Variants in PKN2 observed in about 807,000 individuals in gnomAD.
PKN2 encodes the protein protein kinase N2, also known as serine/threonine-protein kinase N2.
A neutral mutation model predicts 119.1 loss-of-function variants in PKN2; 38 were observed. That is an observed-to-expected ratio of 0.32 (90% CI 0.25 to 0.42). The LOEUF (loss-of-function observed/expected upper bound fraction) is 0.42, where lower values mean the gene tolerates loss of function less well. Ranked by LOEUF, PKN2 falls within the 10% of genes least tolerant of loss-of-function variation. PKN2 has a pLI of 1.00. For synonymous variants in PKN2, 390 were observed against 384.9 expected, an observed-to-expected ratio of 1.01 and a Z score of -0.15; for missense variants, 850 against 1,165.1, an observed-to-expected ratio of 0.73 and a Z score of 3.94.
intron 17 of PKN2, among the ~76,000 whole-genome samples, chr1:88,822,316 A>G (rs1019266857): frequency 1.5e-4 from 23 of 152,322 alleles, no homozygotes; most frequent in South Asian, 4.1e-4. Context: ...GAAAACCTCT[A>G]TAGACCAATA....
chr1:88,758,478 G>C (rs978884170), intron 2 of PKN2, among the ~76,000 whole-genome samples: 1 of 151,954 alleles, frequency 6.6e-6, no homozygotes, highest in African/African-American at 2.4e-5. Context: ...TTGTCACCCA[G>C]GTATTAAGCC....
intron 1 of PKN2, among the ~76,000 whole-genome samples, chr1:88,710,438 T>C (rs1667182060): frequency 6.6e-6 from 1 of 152,240 alleles, no homozygotes; most frequent in Admixed American, 6.5e-5. Context: ...AAAGCTATCA[T>C]AATAATTATT....
chr1:88,709,544 C>G (rs923697028), intron 1 of PKN2, among the ~76,000 whole-genome samples: 1 of 151,872 alleles, frequency 6.6e-6, no homozygotes. Context: ...ACCATTAAAC[C>G]AAAAGTTGTT....
chr1:88,807,292 C>G, intron 12 of PKN2, 21 bp from the exon 13 acceptor site: 1 of 1,441,800 alleles, frequency 6.9e-7, no homozygotes. Flanking sequence ...TATGGATTCA[C>G]GTGTATTTAA....
At chr1:88,694,732 G>C (rs905357150) in intron 1 of PKN2, among the ~76,000 whole-genome samples, 3 of 152,174 alleles carry the variant, frequency 2.0e-5, no homozygotes, top group Admixed American at 6.5e-5. Flanking sequence ...CCAACAATAA[G>C]AGTTTTTGTT....
intron 16 of PKN2, among the ~76,000 whole-genome samples, chr1:88,818,762 T>C (rs1672123715): frequency 6.6e-6 from 1 of 152,004 alleles, no homozygotes; most frequent in Admixed American, 6.5e-5. Context: ...GGCATCACGC[T>C]ACCTGATTTC....
chr1:88,749,338 G>A (rs1668894825), intron 2 of PKN2, among the ~76,000 whole-genome samples: 3 of 148,786 alleles, frequency 2.0e-5, no homozygotes, highest in African/African-American at 7.4e-5. Context: ...CCAGGAGGTG[G>A]AAGTTGCAGT....
intron 2 of PKN2, among the ~76,000 whole-genome samples, chr1:88,742,763 G>A (rs1668625272): frequency 2.0e-5 from 3 of 151,936 alleles, no homozygotes; most frequent in Middle Eastern, 3.4e-3. Context: ...ATAAGAAACA[G>A]CACTGGAGCT....
intron 3 of PKN2, among the ~76,000 whole-genome samples, chr1:88,762,995 A>G (rs1669508032): frequency 6.6e-6 from 1 of 152,154 alleles, no homozygotes; most frequent in East Asian, 1.9e-4. Context: ...TTCTGATAGT[A>G]AGAGTTGTCA....
intron 2 of PKN2, among the ~76,000 whole-genome samples, chr1:88,755,101 A>G (rs531938063): frequency 1.4e-4 from 22 of 152,316 alleles, no homozygotes; most frequent in African/African-American, 5.3e-4. Flanking sequence ...GGCAGTTGTT[A>G]GAGTAGAAAA....
At chr1:88,775,310 C>T (rs1051952787) in intron 6 of PKN2, among the ~76,000 whole-genome samples, 2 of 152,178 alleles carry the variant, frequency 1.3e-5, no homozygotes, top group Admixed American at 1.3e-4. Context: ...CTCACTTCCT[C>T]CGTAGTTTTG....
At chr1:88,725,841 A>C (rs1667877273) in intron 1 of PKN2, among the ~76,000 whole-genome samples, 1 of 152,192 alleles carries the variant, frequency 6.6e-6, no homozygotes, top group Non-Finnish European at 1.5e-5. Context: ...TTTTTCTAAA[A>C]GATAAAGGGG....
At chr1:88,831,544 AAACT>A (rs1393806235) in intron 19 of PKN2, among the ~76,000 whole-genome samples, 1 of 152,008 alleles carries the variant, frequency 6.6e-6, no homozygotes, top group Non-Finnish European at 1.5e-5. Flanking sequence ...GTGAATGAAC[AAACT>A]AAGGTTTTGG....
rs1377107458 is a variant in PKN2 at position 88,760,218 on chromosome 1, A to T, written c.350-4A>T. ...AAGTAATTTTAACAATATTTTATTT[A>T]CAGATTGCCCAAGGACTCCAGATAC... On this transcript the variant is annotated splice_polypyrimidine_tract_variant and splice_region_variant and intron_variant, in intron 2 of 21. Transcript: ENST00000370521. 1 of 1,488,738 alleles carries T rather than the reference A, an allele frequency of 6.7e-7. No individual in the cohort carries two copies. Among genetic ancestry groups the T allele is most frequent in the Non-Finnish European group, 9.2e-7 (1 of 1,084,274 alleles). The allele number at this position is 1,488,738 out of a possible 1,614,324, so 92.2% of individuals were successfully genotyped here. A position where few individuals can be genotyped will look rare whatever the true frequency, so the allele number is the denominator to read the frequency against.
chr1:88,775,536 G>A (rs1670057510), intron 6 of PKN2, among the ~76,000 whole-genome samples: 1 of 151,998 alleles, frequency 6.6e-6, no homozygotes, highest in Non-Finnish European at 1.5e-5. Flanking sequence ...GTTGCTTCCA[G>A]GTTTTGGCAG....
At chr1:88,821,134 C>G (rs1222583606) in intron 16 of PKN2, among the ~76,000 whole-genome samples, 1 of 152,190 alleles carries the variant, frequency 6.6e-6, no homozygotes, top group Non-Finnish European at 1.5e-5. Context: ...TCTGTTCATT[C>G]TAAGATGGAA....
chr1:88,730,050 A>G (rs986152326), intron 1 of PKN2, among the ~76,000 whole-genome samples: 2 of 152,106 alleles, frequency 1.3e-5, no homozygotes, highest in Non-Finnish European at 2.9e-5. Flanking sequence ...CTGTAGTCCC[A>G]GCTACTCCGG....
intron 6 of PKN2, among the ~76,000 whole-genome samples, chr1:88,783,856 A>G (rs1399962374): frequency 6.6e-6 from 1 of 152,214 alleles, no homozygotes; most frequent in Non-Finnish European, 1.5e-5. Flanking sequence ...TAATTAAACT[A>G]ACAGAATGGA....
chr1:88,686,524 A>G (rs1481153152), intron 1 of PKN2, among the ~76,000 whole-genome samples: 1 of 152,118 alleles, frequency 6.6e-6, no homozygotes, highest in Non-Finnish European at 1.5e-5. Flanking sequence ...AAGCTTCTAG[A>G]TAAACTGAAA....
Sources: gnomAD v4.1 joint callset for allele counts (sites outside exome capture counted in the v4.1 genomes callset) on GRCh38, gnomAD v4.1.1 for gene constraint, MANE v1.5 for transcripts, NCBI Gene and HGNC (gene_info 2026-07-23, HGNC 2026-07-21) for gene names.